The following EHBP1 variants were observed in gnomAD, a reference collection of about 807,000 sequenced individuals.
EHBP1 encodes EH domain-binding protein 1.
A neutral mutation model predicts 144.0 loss-of-function variants in EHBP1; 55 were observed. The ratio of observed to expected loss-of-function variants is 0.38; its 90% CI spans 0.31 to 0.48. EHBP1 has a LOEUF of 0.48. Ranked by LOEUF, EHBP1 falls within the 20% of genes least tolerant of loss-of-function variation. The probability of loss-of-function intolerance (pLI) is 0.98; values close to 1 mark genes in which losing one functional copy is unlikely to be tolerated. For missense variants in EHBP1, 1,200 were observed against 1,364.2 expected (o/e 0.88, Z 1.90); for synonymous variants, 469 against 472.7 (o/e 0.99, Z 0.10).
At chr2:62,698,066 G>A (rs751058090) in intron 1 of EHBP1, among the ~76,000 whole-genome samples, 3 of 152,164 alleles carry the variant, frequency 2.0e-5, no homozygotes, top group Non-Finnish European at 4.4e-5. Flanking sequence ...TTCAGCTGTA[G>A]GCTGGACAAG....
chr2:62,737,400 C>G (rs1485612345), intron 2 of EHBP1, among the ~76,000 whole-genome samples: 1 of 152,034 alleles, frequency 6.6e-6, no homozygotes, highest in Non-Finnish European at 1.5e-5. Flanking sequence ...ATCTCTCAGA[C>G]TTGTCCATAC....
At chr2:63,028,204 A>G (rs1297795709) in intron 19 of EHBP1, among the ~76,000 whole-genome samples, 3 of 152,228 alleles carry the variant, frequency 2.0e-5, no homozygotes, top group Non-Finnish European at 2.9e-5. Context: ...ATTTCAAAAC[A>G]TGGACATGAT....
rs1040526540 is a variant in EHBP1 at position 62,942,706 on chromosome 2, A to G, written c.1186-12A>G. On this transcript the variant is annotated splice_polypyrimidine_tract_variant and intron_variant, in intron 10 of 22. Coordinates refer to ENST00000431489, the MANE Select transcript of EHBP1 (RefSeq NM_001142616.3). Reference sequence around the variant, plus strand: ...ATTCTTTTAATGTTTTCCCCTTTTCATTTTTTTCTAGCCAAGCCCTATACC... The same window carrying G: ...ATTCTTTTAATGTTTTCCCCTTTTCGTTTTTTTCTAGCCAAGCCCTATACC... 1.3e-5 allele frequency: 20 copies of G among 1,553,676 alleles called. No individual in the cohort carries two copies. Among genetic ancestry groups the G allele is most frequent in the African/African-American group, 5.5e-5 (4 of 72,346 alleles).
chr2:62,941,228 A>T (rs2056738761), intron 10 of EHBP1, among the ~76,000 whole-genome samples: 1 of 152,112 alleles, frequency 6.6e-6, no homozygotes. Flanking sequence ...GCCTAGAGGG[A>T]TTTGAAGGTC....
At chr2:62,704,157 T>G (rs527597065), upstream of EHBP1, among the ~76,000 whole-genome samples, 2 of 152,204 alleles carry the variant, frequency 1.3e-5, no homozygotes, top group Admixed American at 6.5e-5. Context: ...TAATAGAAAA[T>G]AAGAATCAAT....
rs1337817503 is a variant in EHBP1, at chr2:62,955,585, A to G, written c.2385A>G (p.Arg795=). The part of the protein sequence containing the change: ...RARVLLEQAR[R]DAALKAGNKH... ...GAGTTCTGCTTGAGCAAGCAAGAAG[A>G]GATGCAGCCTTAAAGGCGGGGAATA... Residue 795 remains arginine (R), a synonymous_variant, in exon 14 of 23, where the codon AGA becomes AGG. Coordinates refer to ENST00000431489, the MANE Select transcript of EHBP1 (RefSeq NM_001142616.3). 3.1e-6 allele frequency: 5 copies of G among 1,613,198 alleles called. No homozygotes were observed. Among genetic ancestry groups the G allele is most frequent in the Non-Finnish European group, 4.2e-6 (5 of 1,179,520 alleles).
chr2:62,961,424 G>C (rs933047409), intron 14 of EHBP1, among the ~76,000 whole-genome samples: 1 of 152,024 alleles, frequency 6.6e-6, no homozygotes, highest in East Asian at 1.9e-4. Context: ...ATTGCTCTGG[G>C]TCTGTATTTT....
At position 62,881,760 on chromosome 2, in the gene EHBP1, C is replaced by T. The variant is rs1291892043; in HGVS notation, c.1185+7228C>T. Reference sequence around the variant, plus strand: ...TGGAATAAAACCTAAAGCTATTAAACGATTCCATTGTAAATAATATGGTGT... The same window carrying T: ...TGGAATAAAACCTAAAGCTATTAAATGATTCCATTGTAAATAATATGGTGT... On this transcript the variant is annotated intron_variant, in intron 10 of 22. Coordinates refer to ENST00000431489, the MANE Select transcript of EHBP1 (RefSeq NM_001142616.3). 4 of 152,130 alleles carry T rather than the reference C, an allele frequency of 2.6e-5. No homozygotes were observed. In the East Asian group the frequency reaches 5.8e-4, roughly 22 times the overall value. 9.4% of individuals were successfully genotyped at this position (152,130 alleles called of 1,614,324 possible).
At chr2:62,796,630 T>G (rs1573395508) in intron 5 of EHBP1, among the ~76,000 whole-genome samples, 1 of 152,194 alleles carries the variant, frequency 6.6e-6, no homozygotes, top group Admixed American at 6.5e-5. Flanking sequence ...ATGCATCCTG[T>G]TTTATTCAAA....
chr2:63,021,677 G>T (rs183367830), intron 19 of EHBP1, among the ~76,000 whole-genome samples: 69 of 152,250 alleles, frequency 4.5e-4, no homozygotes, highest in African/African-American at 1.6e-3. Context: ...GTATGTATGC[G>T]TTGGCCCCTG....
At chr2:62,837,401 A>G (rs1376885811) in intron 7 of EHBP1, among the ~76,000 whole-genome samples, 4 of 148,770 alleles carry the variant, frequency 2.7e-5, no homozygotes, top group Non-Finnish European at 6.0e-5. Flanking sequence ...AAATGTAAAG[A>G]CCATCGAGAC....
chr2:62,822,042 T>C (rs1034180693), intron 5 of EHBP1, among the ~76,000 whole-genome samples: 11 of 152,200 alleles, frequency 7.2e-5, no homozygotes, highest in Non-Finnish European at 1.3e-4. Flanking sequence ...ATAGTCACCC[T>C]GTTATGTTAT....
intron 13 of EHBP1, among the ~76,000 whole-genome samples, chr2:62,953,982 CA>C (rs1232461678): frequency 2.0e-5 from 3 of 152,164 alleles, no homozygotes; most frequent in Non-Finnish European, 4.4e-5. Context: ...GGGATTAAAA[CA>C]AGTAGTTAAT....
chr2:62,918,611 G>A (rs1044990643), intron 10 of EHBP1, among the ~76,000 whole-genome samples: 7 of 152,066 alleles, frequency 4.6e-5, no homozygotes, highest in Admixed American at 3.9e-4. Flanking sequence ...TGAAAATGGT[G>A]CTTTAGTTTA....
chr2:62,893,655 A>G (rs1573937577), intron 10 of EHBP1, among the ~76,000 whole-genome samples: 1 of 152,224 alleles, frequency 6.6e-6, no homozygotes, highest in South Asian at 2.1e-4. Flanking sequence ...AAGCAGAAAA[A>G]TATTGATCAC....
intron 1 of EHBP1, among the ~76,000 whole-genome samples, chr2:62,690,337 G>T (rs1028462993): frequency 7.9e-5 from 12 of 152,202 alleles, no homozygotes; most frequent in African/African-American, 2.7e-4. Context: ...GCCGAGGGAG[G>T]TGGATCATGA....
chr2:62,829,786 T>C (rs2046665738), intron 6 of EHBP1, among the ~76,000 whole-genome samples: 1 of 147,424 alleles, frequency 6.8e-6, no homozygotes, highest in Admixed American at 6.8e-5. Context: ...ATATATATTA[T>C]ACATATACAC....
chr2:62,864,915 T>C lies in EHBP1; in HGVS notation c.942T>C (p.Asp314=). ...AAAGAAAAAATATAAGACCTGTGGATATGAGCAAGTACCTCTATGCTGATA... is the reference window on the plus strand; with the variant it reads ...AAAGAAAAAATATAAGACCTGTGGACATGAGCAAGTACCTCTATGCTGATA... ...STKRKNIRPV[D]MSKYLYADSS... Residue 314 remains aspartate (D), a synonymous_variant, in exon 9 of 23, where the codon GAT becomes GAC. Coordinates refer to ENST00000431489, the MANE Select transcript of EHBP1 (RefSeq NM_001142616.3). The C allele has an allele frequency of 6.2e-7, 1 of 1,613,978 alleles. No individual in the cohort carries two copies. The highest frequency in any genetic ancestry group is 1.1e-5 in the South Asian group (1 of 91,082).
At chr2:62,794,402 A>G (rs1453176301) in intron 5 of EHBP1, among the ~76,000 whole-genome samples, 1 of 152,122 alleles carries the variant, frequency 6.6e-6, no homozygotes, top group Non-Finnish European at 1.5e-5. Context: ...AAGATAGAAT[A>G]GACAGCATTT....
Sources: allele counts gnomAD v4.1 joint callset (sites outside exome capture counted in the v4.1 genomes callset), GRCh38; gene constraint gnomAD v4.1.1; transcripts MANE v1.5; gene names NCBI Gene and HGNC (gene_info 2026-07-23, HGNC 2026-07-21).